Variants in ABRAXAS1 observed in about 807,000 individuals in gnomAD.
ABRAXAS1 encodes the protein abraxas 1, BRCA1 A complex subunit.
A neutral mutation model predicts 38.4 loss-of-function variants in ABRAXAS1; 26 were observed. The observed-to-expected ratio is 0.68, with a 90% confidence interval of 0.50 to 0.94. The LOEUF is 0.94. Ranked by LOEUF, ABRAXAS1 falls within the 40% of genes least tolerant of loss-of-function variation. The pLI is 0.00. For synonymous variants in ABRAXAS1, 144 were observed against 165.5 expected (o/e 0.87, Z 1.00); for missense variants, 438 against 481.9 (o/e 0.91, Z 0.85).
intron 1 of ABRAXAS1, among the ~76,000 whole-genome samples, chr4:83,483,537 C>T (rs1395980560): frequency 1.3e-5 from 2 of 152,032 alleles, no homozygotes; most frequent in Non-Finnish European, 1.5e-5. Flanking sequence ...CCTGCCTCCG[C>T]GTCCCAAAGT....
At position 83,483,277 on chromosome 4, in the gene ABRAXAS1, C is replaced by CT. The variant is rs745707908; in HGVS notation, c.88-1034dup. 8.6e-3 allele frequency among the ~76,000 whole-genome samples: 1,177 copies of CT among 136,448 alleles called. 15 individuals carry two copies. The highest frequency in any genetic ancestry group is 0.022 in the East Asian group (102 of 4,722). 89.5% of individuals were successfully genotyped at this position (136,448 alleles called of 152,430 possible). On this transcript the variant is annotated intron_variant, in intron 1 of 8. Transcript: ENST00000321945. ...GTGCTTGACAATGAAGATTTTATATCTTTTTTTTTTTTTTTTTTGAGAAGA... is the reference window on the plus strand; with the variant it reads ...GTGCTTGACAATGAAGATTTTATATCTTTTTTTTTTTTTTTTTTTGAGAAGA...
In ABRAXAS1 at chr4:83,461,049, C is replaced by G; in HGVS notation, c.*1420G>C. The G allele has an allele frequency of 6.2e-7, 1 of 1,612,232 alleles. No individual in the cohort carries two copies. Among genetic ancestry groups the G allele is most frequent in the Non-Finnish European group, 8.5e-7 (1 of 1,178,664 alleles). ...AAATAATGGGTAAGAAAGAATACCT[C>G]AACAACTGAATTGAGCTAGCTGAAA... On this transcript the variant is annotated 3_prime_UTR_variant, in exon 9 of 9. Coordinates refer to ENST00000321945, the MANE Select transcript of ABRAXAS1 (RefSeq NM_139076.3).
intron 7 of ABRAXAS1, among the ~76,000 whole-genome samples, chr4:83,466,214 G>A (rs907799338): frequency 1.3e-5 from 2 of 152,064 alleles, no homozygotes; most frequent in Non-Finnish European, 2.9e-5. Context: ...CTTTCTCAGG[G>A]GTCAGACTTG....
chr4:83,473,023 A>G (rs1184035436), intron 3 of ABRAXAS1, among the ~76,000 whole-genome samples: 1 of 152,208 alleles, frequency 6.6e-6, no homozygotes, highest in Non-Finnish European at 1.5e-5. Context: ...TCATACTTGT[A>G]ATCCCAGCAT....
chr4:83,478,396 A>G lies in ABRAXAS1; in HGVS notation c.179-1717T>C, dbSNP rs889895392. The G allele has an allele frequency of 2.5e-5, 14 of 551,782 alleles. No individual in the cohort carries two copies. In the Admixed American group the frequency reaches 2.8e-4, roughly 11 times the overall value. The allele number at this position is 551,782 out of a possible 1,614,324, so 34.2% of individuals were successfully genotyped here. A position where few individuals can be genotyped will look rare whatever the true frequency, so the allele number is the denominator to read the frequency against. On this transcript the variant is annotated intron_variant, in intron 2 of 8. Transcript: ENST00000321945. ...TGGAACATCATTCTTTAAATTACAT[A>G]TGAGTAGCTCAAGAGGCTTTAAATC...
intron 2 of ABRAXAS1, 36 bp from the exon 3 acceptor site, chr4:83,476,715 A>G: frequency 7.4e-7 from 1 of 1,353,322 alleles, no homozygotes; most frequent in Non-Finnish European, 1.0e-6. Context: ...GATTACATTA[A>G]TTCAATTCAG....
In ABRAXAS1 at chr4:83,485,019, G is replaced by C; in HGVS notation, c.54C>G (p.Leu18=). The change falls in exon 1 of 9, where the codon CTC becomes CTG. Residue 18 remains leucine (L), a synonymous_variant. Transcript: ENST00000321945. ...AVLSGFVLGA[L]AFQHLNTDSD... ...AGTCCGTGTTGAGGTGCTGGAAAGC[G>C]AGTGCGCCGAGCACAAAGCCCGAGA... The C allele has an allele frequency of 2.5e-6, 4 of 1,595,780 alleles. No homozygotes were observed. The highest frequency in any genetic ancestry group is 1.1e-5 in the South Asian group (1 of 89,118).
At chr4:83,482,072 A>G (rs1012155003) in intron 2 of ABRAXAS1, 82 bp downstream of exon 2, 5 of 892,166 alleles carry the variant, frequency 5.6e-6, no homozygotes, top group Admixed American at 2.6e-5. Context: ...AAAAATAATA[A>G]TTTACGCTGA....
intron 7 of ABRAXAS1, among the ~76,000 whole-genome samples, chr4:83,465,375 C>G (rs1159850729): frequency 6.6e-6 from 1 of 150,412 alleles, no homozygotes; most frequent in Non-Finnish European, 1.5e-5. Flanking sequence ...GTTTTATGTA[C>G]CAAGTTTTTT....
In ABRAXAS1 at chr4:83,462,473, A is replaced by G; in HGVS notation, c.1226T>C (p.Phe409Ser). The G allele has an allele frequency of 6.2e-7, 1 of 1,608,054 alleles. No individual in the cohort carries two copies. The highest frequency in any genetic ancestry group is 8.5e-7 in the Non-Finnish European group (1 of 1,177,604). ...GFGEYSRSPT[F>S] ...CTCCTTGTAAGGTTAAAAGGATCAA[A>G]ATGTAGGAGACCGTGAATATTCACC... Residue 409 changes from phenylalanine (F) to serine (S), a missense_variant, in exon 9 of 9, where the codon TTT (phenylalanine) becomes TCT (serine). Phe to Ser is a radical substitution (Grantham distance 155). Around this residue, in one of 3 missense-constraint regions of ABRAXAS1, gnomAD observed 184 missense variants for 181.9 expected, o/e 1.01. Transcript: ENST00000321945.
At chr4:83,474,967 C>T (rs897313680) in intron 3 of ABRAXAS1, among the ~76,000 whole-genome samples, 1 of 151,970 alleles carries the variant, frequency 6.6e-6, no homozygotes, top group African/African-American at 2.4e-5. Flanking sequence ...ATGTAGTTAC[C>T]CTCTGAATGA....
In ABRAXAS1 at chr4:83,470,525, A is replaced by C. The variant is rs1578128776; in HGVS notation, c.283-129T>G. ...TTTAGAAAGATTTGGGGCATATATAAACAAAGAATACATTTAATCATATGC... is the reference window on the plus strand; with the variant it reads ...TTTAGAAAGATTTGGGGCATATATACACAAAGAATACATTTAATCATATGC... On this transcript the variant is annotated intron_variant, in intron 4 of 8. Transcript: ENST00000321945. 9 of 599,952 alleles carry C rather than the reference A, an allele frequency of 1.5e-5. No homozygotes were observed. In the East Asian group the frequency reaches 2.7e-4, roughly 18 times the overall value. 37.2% of individuals were successfully genotyped at this position (599,952 alleles called of 1,614,324 possible). A position where few individuals can be genotyped will look rare whatever the true frequency, so the allele number is the denominator to read the frequency against.
At chr4:83,463,659 T>C in intron 7 of ABRAXAS1, 51 bp from the exon 8 acceptor site, 1 of 984,426 alleles carries the variant, frequency 1.0e-6, no homozygotes, top group Non-Finnish European at 1.5e-6. Context: ...AGCTGTGTAC[T>C]AATACAGTCT....
At position 83,461,234 on chromosome 4, in the gene ABRAXAS1, G is replaced by C. The variant is rs762021545; in HGVS notation, c.*1235C>G. On this transcript the variant is annotated 3_prime_UTR_variant, in exon 9 of 9. Transcript: ENST00000321945. ...TTACCACTAATAAACTTATTTTACA[G>C]TAAGTGGTTGTATGATGCCAATACT... is the stretch of plus-strand genomic sequence containing the variant. 1.9e-6 allele frequency: 3 copies of C among 1,573,726 alleles called. No individual in the cohort carries two copies. In the East Asian group the frequency reaches 6.7e-5, roughly 35 times the overall value.
Position 83,459,898 on chromosome 4 carries a change from TTACTACTAGATCAGA to T in ABRAXAS1, c.*2556_*2570del. The T allele has an allele frequency of 2.0e-6, 2 of 984,780 alleles. No individual in the cohort carries two copies. The highest frequency in any genetic ancestry group is 3.1e-6 in the Non-Finnish European group (2 of 652,376). The allele number at this position is 984,780 out of a possible 1,614,324, so 61.0% of individuals were successfully genotyped here. A position where few individuals can be genotyped will look rare whatever the true frequency, so the allele number is the denominator to read the frequency against. Reference sequence around the variant, plus strand: ...TCAAATTTTCAAATTGTGCTATAAATTACTACTAGATCAGATACTACAGGGACTAGAGCTAGTTAC... The same window carrying T: ...TCAAATTTTCAAATTGTGCTATAAATTACTACAGGGACTAGAGCTAGTTAC... On this transcript the variant is annotated 3_prime_UTR_variant, in exon 9 of 9. Transcript: ENST00000321945.
chr4:83,481,038 A>T (rs1038904621), intron 2 of ABRAXAS1, among the ~76,000 whole-genome samples: 2 of 152,098 alleles, frequency 1.3e-5, no homozygotes, highest in African/African-American at 4.8e-5. Context: ...AGGCTGAAGC[A>T]GGAGAATCGC....
Position 83,460,066 on chromosome 4 carries a change from T to C in ABRAXAS1, c.*2403A>G, listed in dbSNP as rs946329226. The C allele has an allele frequency of 2.7e-5, 7 of 256,244 alleles. No homozygotes were observed. The highest frequency in any genetic ancestry group is 5.1e-5 in the Non-Finnish European group (7 of 137,438). 15.9% of individuals were successfully genotyped at this position (256,244 alleles called of 1,614,324 possible). ...GGAATATACTATAATCATTCCTAGA[T>C]TGATACTTAAACTTGGTGTCAGCAA... On this transcript the variant is annotated 3_prime_UTR_variant, in exon 9 of 9. Coordinates refer to ENST00000321945, the MANE Select transcript of ABRAXAS1 (RefSeq NM_139076.3).
In ABRAXAS1 at chr4:83,463,434, A is replaced by AAAAT. The variant is rs898534185; in HGVS notation, c.796+56_796+59dup. The AAAAT allele has an allele frequency of 2.4e-5, 31 of 1,286,986 alleles. No homozygotes were observed. In the Middle Eastern group the frequency reaches 8.1e-4, roughly 34 times the overall value. 79.7% of individuals were successfully genotyped at this position (1,286,986 alleles called of 1,614,324 possible). ...GGCGACAGAGCGAGACTCCGTCTCA[A>AAAAT]AAATAAATAAATAAATAAAAATTTT... On this transcript the variant is annotated intron_variant, in intron 8 of 8. Coordinates refer to ENST00000321945, the MANE Select transcript of ABRAXAS1 (RefSeq NM_139076.3).
chr4:83,468,709 A>T (rs1173762308), intron 6 of ABRAXAS1, among the ~76,000 whole-genome samples: 9 of 151,982 alleles, frequency 5.9e-5, no homozygotes, highest in African/African-American at 2.2e-4. Context: ...CTATTTTTTT[A>T]AATTTTCTTT....
Sources: gnomAD v4.1 joint callset for allele counts (sites outside exome capture counted in the v4.1 genomes callset) on GRCh38, gnomAD v4.1.1 for gene constraint, gnomAD v4.1.1 regional missense constraint, MANE v1.5 for transcripts, NCBI Gene and HGNC (gene_info 2026-07-23, HGNC 2026-07-21) for gene names.